DBH: variants seen among roughly 807,000 people sequenced by gnomAD.
DBH encodes dopamine beta-hydroxylase (dopamine beta-monooxygenase).
DBH carries 49 observed loss-of-function variants against 64.0 expected under a neutral mutation model. That is an observed-to-expected ratio of 0.77 (90% CI 0.61 to 0.97). The LOEUF (loss-of-function observed/expected upper bound fraction) is 0.97, where lower values mean the gene tolerates loss of function less well. Ranked by LOEUF, DBH falls within the 50% of genes least tolerant of loss-of-function variation. The probability of loss-of-function intolerance (pLI) is 0.00; values close to 1 mark genes in which losing one functional copy is unlikely to be tolerated. For synonymous variants in DBH, 343 were observed against 347.1 expected, an observed-to-expected ratio of 0.99 and a Z score of 0.13; for missense variants, 828 against 826.6, an observed-to-expected ratio of 1.00 and a Z score of -0.02.
intron 6 of DBH, 74 bp downstream of exon 6, chr9:133,648,086 C>T: frequency 6.6e-7 from 1 of 1,512,908 alleles, no homozygotes; most frequent in Middle Eastern, 2.3e-4. Context: ...CAGGTCGTGG[C>T]CCACGAAGGG....
At position 133,651,901 on chromosome 9, in the gene DBH, C is replaced by A. The variant is rs1008947741; in HGVS notation, c.1335+124C>A. ...CTGGCTTCTTTTTCCTGGGCCAGCC[C>A]CACCCGCCCCCCACCCATGTGGCCT... is the stretch of plus-strand genomic sequence containing the variant. On this transcript the variant is annotated intron_variant, in intron 7 of 11. Coordinates refer to ENST00000393056, the MANE Select transcript of DBH (RefSeq NM_000787.4). 10 of 999,004 alleles carry A rather than the reference C, an allele frequency of 1.0e-5. No homozygotes were observed. In the African/African-American group the frequency reaches 1.6e-4, roughly 16 times the overall value. 61.9% of individuals were successfully genotyped at this position (999,004 alleles called of 1,614,324 possible).
chr9:133,658,550 C>T lies in DBH; in HGVS notation c.*103C>T. 7.6e-7 allele frequency: 1 copy of T among 1,319,702 alleles called. No individual in the cohort carries two copies. 81.7% of individuals were successfully genotyped at this position (1,319,702 alleles called of 1,614,324 possible). ...ATCCCCATGGAACAGCCCTGCACGCCCAGGATGAAGGGGCCAGACCACGCC... is the reference window on the plus strand; with the variant it reads ...ATCCCCATGGAACAGCCCTGCACGCTCAGGATGAAGGGGCCAGACCACGCC... On this transcript the variant is annotated 3_prime_UTR_variant, in exon 12 of 12. Coordinates refer to ENST00000393056, the MANE Select transcript of DBH (RefSeq NM_000787.4).
At position 133,658,326 on chromosome 9, in the gene DBH, A is replaced by C. The variant is rs1477851671; in HGVS notation, c.1733A>C (p.Asn578Thr). The change falls in exon 12 of 12, where the codon AAC (asparagine) becomes ACC (threonine). Residue 578 changes from asparagine to threonine, a missense_variant. By Grantham distance (65) the Asn-to-Thr change is moderately conservative (BLOSUM62 0). Transcript: ENST00000393056. ...CCCCCTTCCTTGCAGGGTGAATGGA[A>C]CCTGCAGCCCCTGCCCAAGGTCATC... The part of the protein sequence containing the change: ...SSAVRFQGEW[N>T]LQPLPKVIST... 2 of 1,613,530 alleles carry C rather than the reference A, an allele frequency of 1.2e-6. No homozygotes were observed. Among genetic ancestry groups the C allele is most frequent in the Admixed American group, 3.3e-5 (2 of 59,974 alleles).
chr9:133,657,039 C>T (rs1184035844), intron 10 of DBH, 31 bp from the exon 11 acceptor site: 87 of 1,613,204 alleles, frequency 5.4e-5, no homozygotes, highest in Non-Finnish European at 7.2e-5. Context: ...GTCAGCTGCT[C>T]CCCAGCCTGG....
At position 133,647,893 on chromosome 9, in the gene DBH, C is replaced by T. The variant is rs1348610910; in HGVS notation, c.1072C>T (p.Arg358Trp). ...CCGCTTGTACTACACAGCCAAGCTG[C>T]GGCGCTTCAACGCGGGGATCATGGA... ...GIRLYYTAKLRRFNAGIMELG... is the reference protein window; with the variant it reads ...GIRLYYTAKLWRFNAGIMELG... The change falls in exon 6 of 12, where the codon CGG (arginine) becomes TGG (tryptophan). Residue 358 changes from arginine (R) to tryptophan (W), a missense_variant. Coordinates refer to ENST00000393056, the MANE Select transcript of DBH (RefSeq NM_000787.4). The T allele has an allele frequency of 1.5e-5, 25 of 1,614,076 alleles. No individual in the cohort carries two copies. Among genetic ancestry groups the T allele is most frequent in the African/African-American group, 2.7e-5 (2 of 74,954 alleles).
At chr9:133,640,785 C>T (rs965777714) in intron 2 of DBH, among the ~76,000 whole-genome samples, 5 of 152,212 alleles carry the variant, frequency 3.3e-5, no homozygotes, top group African/African-American at 4.8e-5. Flanking sequence ...GCACCTGTGC[C>T]GTGCAGGGCC....
chr9:133,652,970 A>G lies in DBH; in HGVS notation c.1405A>G (p.Asn469Asp). 2 of 1,613,580 alleles carry G rather than the reference A, an allele frequency of 1.2e-6. No individual in the cohort carries two copies. The highest frequency in any genetic ancestry group is 1.1e-5 in the South Asian group (1 of 91,076). ...GDVLITSCTY[N>D]TEDRELATVG... is the part of the protein sequence containing the mutation. ...TGTGCTCATCACCTCCTGCACGTAC[A>G]ACACAGAAGACCGGGAGCTGGCCAC... is the stretch of plus-strand genomic sequence containing the variant. The change falls in exon 9 of 12, where the codon AAC becomes GAC. Residue 469 changes from asparagine to aspartate, a missense_variant. Asn to Asp is a conservative substitution (Grantham distance 23). Transcript: ENST00000393056.
chr9:133,640,173 G>A (rs138476885), intron 2 of DBH, among the ~76,000 whole-genome samples, 181 bp downstream of exon 2: 244 of 152,362 alleles, frequency 1.6e-3, no homozygotes, highest in African/African-American at 3.6e-3. Context: ...AAGCACTTAG[G>A]ATGGTCCAGC....
chr9:133,642,558 G>C, intron 3 of DBH, 94 bp downstream of exon 3: 7 of 1,452,908 alleles, frequency 4.8e-6, no homozygotes, highest in Non-Finnish European at 6.5e-6. Flanking sequence ...CCACAGTCCT[G>C]GTTGGACCAG....
chr9:133,642,273 G>A lies in DBH; in HGVS notation c.553G>A (p.Gly185Ser), dbSNP rs559784553. 64 of 1,614,036 alleles carry A rather than the reference G, an allele frequency of 4.0e-5. 1 individual carries two copies. In the Middle Eastern group the frequency reaches 3.1e-3, roughly 79 times the overall value. The stretch of plus-strand genomic sequence containing the variant: ...GTTCCGGTCACTGGAGGCCATCAAC[G>A]GCTCGGGCCTGCAGATGGGGCTGCA... The part of the protein sequence containing the change: ...EPFRSLEAIN[G>S]SGLQMGLQRV... Residue 185 changes from glycine to serine, a missense_variant, in exon 3 of 12, where the codon GGC becomes AGC. Physicochemically the swap from Gly to Ser is moderately conservative, Grantham distance 56. Transcript: ENST00000393056.
At chr9:133,653,046 AGCCT>A in intron 9 of DBH, 47 bp downstream of exon 9, 1 of 1,440,556 alleles carries the variant, frequency 6.9e-7, no homozygotes, top group Non-Finnish European at 9.8e-7. Flanking sequence ...GCGAGTGTTC[AGCCT>A]GAGCCATCTG....
intron 6 of DBH, among the ~76,000 whole-genome samples, chr9:133,649,580 A>C (rs1564212091): frequency 6.6e-6 from 1 of 152,220 alleles, no homozygotes; most frequent in Admixed American, 6.5e-5. Flanking sequence ...TTCCAAGCAA[A>C]GGTTCCTCAA....
In DBH at chr9:133,645,939, G is replaced by T. The variant is rs3025407; in HGVS notation, c.1024+1619G>T. ...GCTTAGAGCATTTTTGGCACCCAGG[G>T]AAGATGTTAGTATCTGTACCACCCT... On this transcript the variant is annotated intron_variant, in intron 5 of 11. Coordinates refer to ENST00000393056, the MANE Select transcript of DBH (RefSeq NM_000787.4). 7.2e-5 allele frequency among the ~76,000 whole-genome samples: 11 copies of T among 152,278 alleles called. No homozygotes were observed. In the East Asian group the frequency reaches 2.1e-3, roughly 29 times the overall value.
rs759248028 is a variant in DBH, at chr9:133,658,403, CCTGCTGGCCCCACCGTTGTCAG to C, written c.1812_1833del (p.Ala605LeufsTer69). ...GTGCCCCACCAGCCAGGGCCGAAGCCCTGCTGGCCCCACCGTTGTCAGCATTGGTGGGGGCAAAGGCTGAGGG... is the reference window on the plus strand; with the variant it reads ...GTGCCCCACCAGCCAGGGCCGAAGCCCATTGGTGGGGGCAAAGGCTGAGGG... On this transcript the variant is annotated frameshift_variant, in exon 12 of 12. Coordinates refer to ENST00000393056, the MANE Select transcript of DBH (RefSeq NM_000787.4). LOFTEE classifies it low-confidence loss of function (END_TRUNC). 1.6e-5 allele frequency: 26 copies of C among 1,613,502 alleles called. No individual in the cohort carries two copies. Among genetic ancestry groups the C allele is most frequent in the Non-Finnish European group, 2.1e-5 (25 of 1,179,760 alleles).
At chr9:133,638,013 C>T (rs185557350) in intron 1 of DBH, among the ~76,000 whole-genome samples, 32 of 152,382 alleles carry the variant, frequency 2.1e-4, no homozygotes, top group African/African-American at 7.5e-4. Flanking sequence ...TCGCAAGCCT[C>T]TGCCATGAGG....
At position 133,636,413 on chromosome 9, in the gene DBH, C is replaced by A; in HGVS notation, c.42C>A (p.Ser14Arg). 1 of 1,612,232 alleles carries A rather than the reference C, an allele frequency of 6.2e-7. No homozygotes were observed. Among genetic ancestry groups the A allele is most frequent in the Non-Finnish European group, 8.5e-7 (1 of 1,179,944 alleles). ...GCTGGGCCAGCCTGCCCGGCCCCAG[C>A]ATGCGGGAGGCAGCCTTCATGTACA... ...LSRWASLPGP[S>R]MREAAFMYST... The change falls in exon 1 of 12, where the codon AGC becomes AGA. Residue 14 changes from serine to arginine, a missense_variant. Ser to Arg is a moderately radical substitution (Grantham distance 110, BLOSUM62 -1). Transcript: ENST00000393056.
chr9:133,656,307 T>C (rs1445587837), intron 9 of DBH: 3 of 588,632 alleles, frequency 5.1e-6, no homozygotes, highest in Non-Finnish European at 9.2e-6. Context: ...CAGTACCTGA[T>C]ACGAATTTCC....
chr9:133,651,498 G>C, intron 6 of DBH, 136 bp from the exon 7 acceptor site: 2 of 1,132,420 alleles, frequency 1.8e-6, no homozygotes, highest in Non-Finnish European at 2.6e-6. Flanking sequence ...CCTGGCCGGG[G>C]AGAAAGACCT....
At chr9:133,651,561 C>T (rs2131291253) in intron 6 of DBH, 73 bp from the exon 7 acceptor site, 2 of 1,595,162 alleles carry the variant, frequency 1.3e-6, no homozygotes, top group Non-Finnish European at 1.7e-6. Context: ...CTGCTCCCTA[C>T]CGGGTCCTGG....
Sources: allele counts gnomAD v4.1 joint callset (sites outside exome capture counted in the v4.1 genomes callset), GRCh38; gene constraint gnomAD v4.1.1; transcripts MANE v1.5; gene names NCBI Gene and HGNC (gene_info 2026-07-23, HGNC 2026-07-21).